Variants in STOM observed in about 807,000 individuals in gnomAD.
The protein encoded by STOM is erythrocyte band 7 integral membrane protein.
Under a neutral mutation model 30.6 loss-of-function variants are expected in STOM, and 25 were observed. The observed-to-expected ratio is 0.82, with a 90% CI of 0.60 to 1.14. The LOEUF (loss-of-function observed/expected upper bound fraction) is 1.14, where lower values mean the gene tolerates loss of function less well. Ranked by LOEUF, STOM falls within the 50% of genes most tolerant of loss-of-function variation. The pLI is 0.00. For missense variants in STOM, 292 were observed against 365.2 expected (o/e 0.80, Z 1.63); for synonymous variants, 118 against 130.8 (o/e 0.90, Z 0.67).
At chr9:121,353,197 C>T (rs919570254) in intron 4 of STOM, 23 bp downstream of exon 4, 1 of 1,482,638 alleles carries the variant, frequency 6.7e-7, no homozygotes. Flanking sequence ...TATGATACCT[C>T]AGTTATTCAA....
At chr9:121,358,726 T>C (rs182444940) in intron 1 of STOM, among the ~76,000 whole-genome samples, 4 of 152,348 alleles carry the variant, frequency 2.6e-5, no homozygotes, top group African/African-American at 9.6e-5. Context: ...TCCTGTACTA[T>C]TTTTGTTTTT....
intron 1 of STOM, among the ~76,000 whole-genome samples, chr9:121,368,080 A>G (rs979503606): frequency 1.3e-5 from 2 of 151,832 alleles, no homozygotes; most frequent in Admixed American, 6.6e-5. Flanking sequence ...AAAGCATTCA[A>G]TAACCTCTAT....
chr9:121,351,572 C>T (rs919217437), intron 4 of STOM, among the ~76,000 whole-genome samples: 1 of 152,212 alleles, frequency 6.6e-6, no homozygotes, highest in Non-Finnish European at 1.5e-5. Context: ...TTTCTGTATG[C>T]AACGGTTATT....
Position 121,348,051 on chromosome 9 carries a change from A to T in STOM, c.624T>A (p.Ala208=). Reference sequence around the variant, plus strand: ...CCTCGCGGGACGCTTCTGCTTCTGCAGCCATAGCTCTCTGGAGCTGCACAG... The same window carrying T: ...CCTCGCGGGACGCTTCTGCTTCTGCTGCCATAGCTCTCTGGAGCTGCACAG... The part of the protein sequence containing the change: ...KLPVQLQRAM[A]AEAEASREAR... The change falls in exon 6 of 7, where the codon GCT becomes GCA. Residue 208 remains alanine, a synonymous_variant. Transcript: ENST00000286713. 6.2e-7 allele frequency: 1 copy of T among 1,614,186 alleles called. No homozygotes were observed. The highest frequency in any genetic ancestry group is 1.1e-5 in the South Asian group (1 of 91,082).
chr9:121,362,624 T>C (rs765533658), intron 1 of STOM, among the ~76,000 whole-genome samples: 1 of 152,214 alleles, frequency 6.6e-6, no homozygotes, highest in African/African-American at 2.4e-5. Flanking sequence ...TATCTTTTGT[T>C]ACTACTCCTA....
At chr9:121,349,093 G>A in intron 5 of STOM, 27 bp downstream of exon 5, 1 of 1,608,560 alleles carries the variant, frequency 6.2e-7, no homozygotes, top group Non-Finnish European at 8.5e-7. Context: ...AGCTTCTGGG[G>A]GGTAACAGCA....
At position 121,341,270 on chromosome 9, in the gene STOM, T is replaced by C; in HGVS notation, c.799A>G (p.Ile267Val). Residue 267 changes from isoleucine (I) to valine (V), a missense_variant, in exon 7 of 7, where the codon ATT (isoleucine) becomes GTT (valine). Coordinates refer to ENST00000286713, the MANE Select transcript of STOM (RefSeq NM_004099.6). Reference sequence around the variant, plus strand: ...ATATCTATGGGCAGAGGGAAGACAATTGTTGAGTTTTTCTCAGCAGCAATG... The same window carrying C: ...ATATCTATGGGCAGAGGGAAGACAACTGTTGAGTTTTTCTCAGCAGCAATG... ...TTIAAEKNSTIVFPLPIDMLQ... is the reference protein window; with the variant it reads ...TTIAAEKNSTVVFPLPIDMLQ... The C allele has an allele frequency of 6.2e-7, 1 of 1,614,136 alleles. No homozygotes were observed. Among genetic ancestry groups the C allele is most frequent in the South Asian group, 1.1e-5 (1 of 91,086 alleles).
chr9:121,347,239 T>C (rs1236025393), intron 6 of STOM, among the ~76,000 whole-genome samples: 3 of 152,250 alleles, frequency 2.0e-5, no homozygotes, highest in Non-Finnish European at 2.9e-5. Context: ...AACTGCCTTC[T>C]GGTTCCAATT....
At chr9:121,363,898 G>C (rs896363057) in intron 1 of STOM, among the ~76,000 whole-genome samples, 1 of 152,264 alleles carries the variant, frequency 6.6e-6, no homozygotes. Context: ...CCTTTATAAG[G>C]CCTGATAAAC....
intron 1 of STOM, among the ~76,000 whole-genome samples, chr9:121,366,557 T>G (rs934788837): frequency 2.0e-5 from 3 of 152,102 alleles, no homozygotes; most frequent in Non-Finnish European, 4.4e-5. Flanking sequence ...ATAAACATAA[T>G]GGCCATGCCC....
chr9:121,350,450 C>A (rs2064329299), intron 4 of STOM, among the ~76,000 whole-genome samples: 1 of 152,196 alleles, frequency 6.6e-6, no homozygotes, highest in African/African-American at 2.4e-5. Context: ...CAGGGCAATT[C>A]TTTGTAACTC....
chr9:121,370,001 G>A (rs1187416471), intron 1 of STOM, 126 bp downstream of exon 1: 2 of 861,418 alleles, frequency 2.3e-6, no homozygotes, highest in Non-Finnish European at 3.5e-6. Flanking sequence ...GAGGAGCCGC[G>A]GCTTTGAGAT....
intron 1 of STOM, among the ~76,000 whole-genome samples, chr9:121,362,278 G>T (rs954065428): frequency 2.0e-5 from 3 of 152,012 alleles, no homozygotes; most frequent in African/African-American, 7.3e-5. Context: ...TTTATCTCTG[G>T]ATGTTTTTTG....
chr9:121,344,087 G>A (rs1399444319), intron 6 of STOM, among the ~76,000 whole-genome samples: 1 of 152,172 alleles, frequency 6.6e-6, no homozygotes, highest in Non-Finnish European at 1.5e-5. Context: ...GCATAGATTA[G>A]TGCCATTAAT....
intron 1 of STOM, among the ~76,000 whole-genome samples, chr9:121,362,852 TG>T (rs1430754028): frequency 2.0e-5 from 3 of 152,212 alleles, no homozygotes. Context: ...TAATTTTTGT[TG>T]GGTAAGTTTC....
At chr9:121,364,101 A>G (rs1483892546) in intron 1 of STOM, among the ~76,000 whole-genome samples, 1 of 152,208 alleles carries the variant, frequency 6.6e-6, no homozygotes, top group Non-Finnish European at 1.5e-5. Flanking sequence ...AATGGGAGAA[A>G]CAAAAATGAA....
chr9:121,341,126 C>G lies in STOM; in HGVS notation c.*76G>C, dbSNP rs2064242540. On this transcript the variant is annotated 3_prime_UTR_variant, in exon 7 of 7. Transcript: ENST00000286713. ...AATTGACATATGGAAAAAGAAAAGCCCTACCCTCTCTTTATGAGTTAAAGG... is the reference window on the plus strand; with the variant it reads ...AATTGACATATGGAAAAAGAAAAGCGCTACCCTCTCTTTATGAGTTAAAGG... 1 of 1,601,240 alleles carries G rather than the reference C, an allele frequency of 6.2e-7. No homozygotes were observed. The highest frequency in any genetic ancestry group is 8.5e-7 in the Non-Finnish European group (1 of 1,172,008).
chr9:121,340,641 T>G lies in STOM; in HGVS notation c.*561A>C. 1.5e-6 allele frequency: 1 copy of G among 662,784 alleles called. No individual in the cohort carries two copies. 41.1% of individuals were successfully genotyped at this position (662,784 alleles called of 1,614,324 possible). A position where few individuals can be genotyped will look rare whatever the true frequency, so the allele number is the denominator to read the frequency against. ...GGCATGAGCCTGTAATCCCAGCTAC[T>G]GGGGAGGCTGAGGCAGGAGAATCTC... On this transcript the variant is annotated 3_prime_UTR_variant, in exon 7 of 7. Coordinates refer to ENST00000286713, the MANE Select transcript of STOM (RefSeq NM_004099.6).
At position 121,344,950 on chromosome 9, in the gene STOM, G is replaced by A. The variant is rs16910561; in HGVS notation, c.660+3065C>T. ...CCAAACCTAACATACAGAGAAACAC[G>A]TAGGAGAATCTGTCCTCTTCTGTGA... On this transcript the variant is annotated intron_variant, in intron 6 of 6. Transcript: ENST00000286713. 6.5e-3 allele frequency among the ~76,000 whole-genome samples: 989 copies of A among 152,286 alleles called. 11 individuals are homozygous for A. The highest frequency in any genetic ancestry group is 0.011 in the Non-Finnish European group (725 of 68,020).
Sources: allele counts gnomAD v4.1 joint callset (sites outside exome capture counted in the v4.1 genomes callset), GRCh38; gene constraint gnomAD v4.1.1; transcripts MANE v1.5; gene names NCBI Gene and HGNC (gene_info 2026-07-23, HGNC 2026-07-21).